ASAP1: variants seen among roughly 807,000 people sequenced by gnomAD.
ASAP1 encodes the protein ArfGAP with SH3 domain, ankyrin repeat and PH domain 1.
ASAP1 carries 43 observed loss-of-function variants against 145.2 expected under a neutral mutation model. The ratio of observed to expected loss-of-function variants is 0.30; its 90% CI spans 0.23 to 0.38. The LOEUF is 0.38. Ranked by LOEUF, ASAP1 falls within the 10% of genes least tolerant of loss-of-function variation. The pLI is 1.00. For synonymous variants in ASAP1, 546 were observed against 515.5 expected (o/e 1.06, Z -0.80); for missense variants, 1,018 against 1,355.3 (o/e 0.75, Z 3.91).
chr8:130,099,575 CAT>C (rs2097525026), intron 24 of ASAP1, among the ~76,000 whole-genome samples: 1 of 151,904 alleles, frequency 6.6e-6, no homozygotes, highest in African/African-American at 2.4e-5. Context: ...TTAGCTCCCA[CAT>C]GAGTGAGAAC....
chr8:130,322,431 G>A (rs1447008733), intron 3 of ASAP1, among the ~76,000 whole-genome samples: 1 of 152,160 alleles, frequency 6.6e-6, no homozygotes, highest in Non-Finnish European at 1.5e-5. Context: ...CTACAGAGAG[G>A]TATTACATTG....
At chr8:130,148,277 G>C (rs2097637640) in intron 13 of ASAP1, among the ~76,000 whole-genome samples, 1 of 152,290 alleles carries the variant, frequency 6.6e-6, no homozygotes, top group Non-Finnish European at 1.5e-5. Flanking sequence ...CTGGAAAACT[G>C]GTCCAGCTAT....
intron 5 of ASAP1, among the ~76,000 whole-genome samples, chr8:130,212,039 T>C (rs1329933135): frequency 6.6e-6 from 1 of 152,196 alleles, no homozygotes; most frequent in Non-Finnish European, 1.5e-5. Flanking sequence ...GTTGGCTTTC[T>C]GGGAGCCCTC....
chr8:130,320,568 TAC>T (rs1823939337), intron 3 of ASAP1, among the ~76,000 whole-genome samples: 1 of 151,650 alleles, frequency 6.6e-6, no homozygotes, highest in East Asian at 1.9e-4. Context: ...AAAGAATACA[TAC>T]ATACATATGA....
At chr8:130,210,031 C>T (rs549695686) in intron 5 of ASAP1, among the ~76,000 whole-genome samples, 38 of 152,198 alleles carry the variant, frequency 2.5e-4, no homozygotes, top group African/African-American at 8.2e-4. Context: ...AGATTCACAC[C>T]GTTAATAACA....
intron 3 of ASAP1, among the ~76,000 whole-genome samples, chr8:130,305,191 T>C (rs1822917185): frequency 6.6e-6 from 1 of 152,196 alleles, no homozygotes. Flanking sequence ...TTTGTCTTCA[T>C]AGCACCTACT....
At chr8:130,191,940 G>C (rs1815167625) in intron 5 of ASAP1, among the ~76,000 whole-genome samples, 1 of 152,020 alleles carries the variant, frequency 6.6e-6, no homozygotes, top group Non-Finnish European at 1.5e-5. Flanking sequence ...GAAATTCTCA[G>C]TCATTCTACC....
At chr8:130,070,075 C>A (rs977015668) in intron 27 of ASAP1, among the ~76,000 whole-genome samples, 1 of 152,036 alleles carries the variant, frequency 6.6e-6, no homozygotes, top group Admixed American at 6.5e-5. Context: ...CTCACTCTGT[C>A]GCCCAGGCTG....
At chr8:130,124,153 T>C (rs750838982) in intron 17 of ASAP1, 49 bp from the exon 18 acceptor site, 1 of 1,238,004 alleles carries the variant, frequency 8.1e-7, no homozygotes. Flanking sequence ...TCTTTGCTAC[T>C]AGTTAAAAGT....
intron 23 of ASAP1, among the ~76,000 whole-genome samples, chr8:130,115,390 G>C (rs183207211): frequency 6.6e-6 from 1 of 152,164 alleles, no homozygotes; most frequent in Non-Finnish European, 1.5e-5. Context: ...AATCATGTGA[G>C]CCAATTCCTT....
intron 24 of ASAP1, among the ~76,000 whole-genome samples, chr8:130,093,686 A>AAAAAAAAAAAAAAAAAAG (rs767063471): frequency 6.8e-5 from 9 of 131,990 alleles, no homozygotes; most frequent in African/African-American, 1.3e-4. Context: ...AAAAAAAAAA[A>AAAAAAAAAAAAAAAAAAG]AAAGAAAGCT....
intron 5 of ASAP1, among the ~76,000 whole-genome samples, chr8:130,205,690 C>A (rs1816175178): frequency 6.7e-6 from 1 of 150,256 alleles, no homozygotes; most frequent in Admixed American, 6.7e-5. Flanking sequence ...GGTGGGGCAC[C>A]TAATAGTCTT....
chr8:130,086,595 G>C (rs1444810926), intron 25 of ASAP1, among the ~76,000 whole-genome samples: 4 of 152,196 alleles, frequency 2.6e-5, no homozygotes, highest in Non-Finnish European at 5.9e-5. Flanking sequence ...ACATAACTCA[G>C]GAGTTTGAGA....
At chr8:130,219,546 C>T (rs954852627) in intron 4 of ASAP1, among the ~76,000 whole-genome samples, 4 of 152,286 alleles carry the variant, frequency 2.6e-5, no homozygotes, top group African/African-American at 7.2e-5. Flanking sequence ...AAATGGCCCA[C>T]TCACTTCAAG....
chr8:130,358,231 A>C lies in ASAP1; in HGVS notation c.60-88T>G. On this transcript the variant is annotated intron_variant, in intron 2 of 29. Coordinates refer to ENST00000518721, the MANE Select transcript of ASAP1 (RefSeq NM_018482.4). The surrounding 1 kb of genome is among the most constrained non-coding windows in gnomAD (Gnocchi z 4.1). ...CCGCGGGCCGCCCGGAGGCTCATGA[A>C]CCCCGGCGCGCAGCCCGCCACCCGC... The C allele has an allele frequency of 9.5e-7, 1 of 1,051,588 alleles. No individual in the cohort carries two copies. Among genetic ancestry groups the C allele is most frequent in the Non-Finnish European group, 1.2e-6 (1 of 842,134 alleles). The allele number at this position is 1,051,588 out of a possible 1,614,324, so 65.1% of individuals were successfully genotyped here.
intron 3 of ASAP1, among the ~76,000 whole-genome samples, chr8:130,309,028 C>G (rs980592642): frequency 6.6e-6 from 1 of 152,198 alleles, no homozygotes; most frequent in African/African-American, 2.4e-5. Flanking sequence ...AAATGACTTA[C>G]ACGCATAATA....
At chr8:130,283,873 C>T (rs1821426217) in intron 3 of ASAP1, among the ~76,000 whole-genome samples, 2 of 151,952 alleles carry the variant, frequency 1.3e-5, no homozygotes, top group African/African-American at 2.4e-5. Flanking sequence ...GGGTAAGGGC[C>T]TAAAAAAATG....
At chr8:130,157,766 T>C (rs2097660847) in intron 12 of ASAP1, among the ~76,000 whole-genome samples, 1 of 152,140 alleles carries the variant, frequency 6.6e-6, no homozygotes, top group African/African-American at 2.4e-5. Flanking sequence ...TTTCTCTCAC[T>C]TCCTTTGCTC....
intron 2 of ASAP1, among the ~76,000 whole-genome samples, chr8:130,387,056 T>C (rs532830616): frequency 8.5e-5 from 13 of 152,284 alleles, no homozygotes; most frequent in South Asian, 4.1e-4. Context: ...ACAGAGAAAA[T>C]TGTTCTCTCC....
Sources: allele counts gnomAD v4.1 joint callset (sites outside exome capture counted in the v4.1 genomes callset), GRCh38; gene constraint gnomAD v4.1.1; non-coding constraint Gnocchi (gnomAD v3.1); transcripts MANE v1.5; gene names NCBI Gene and HGNC (gene_info 2026-07-23, HGNC 2026-07-21).